Variants in ZNF787 observed in about 807,000 individuals in gnomAD.
ZNF787 encodes the protein zinc finger protein 787.
Under a neutral mutation model 16.9 loss-of-function variants are expected in ZNF787, and 7 were observed. The observed-to-expected ratio is 0.42, with a 90% CI of 0.24 to 0.78. ZNF787 has a LOEUF of 0.78. Among genes scored for constraint, ZNF787 ranks in the 30% least tolerant of loss-of-function variants. ZNF787 has a pLI of 0.30. For synonymous variants in ZNF787, 345 were observed against 270.9 expected (o/e 1.27, Z -2.69); for missense variants, 551 against 589.3 (o/e 0.94, Z 0.67).
intron 2 of ZNF787, among the ~76,000 whole-genome samples, chr19:56,091,869 G>C (rs1985588613): frequency 2.0e-5 from 3 of 152,064 alleles, no homozygotes; most frequent in African/African-American, 7.3e-5. Flanking sequence ...TCTGCACCGC[G>C]CATGGGCCAA....
intron 2 of ZNF787, among the ~76,000 whole-genome samples, chr19:56,090,315 C>T (rs73934665): frequency 0.023 from 3,460 of 152,152 alleles, 131 homozygotes; most frequent in African/African-American, 0.079. Flanking sequence ...ACTAGGGAGT[C>T]GAGTCACAGC....
intron 2 of ZNF787, among the ~76,000 whole-genome samples, chr19:56,096,050 A>G (rs1985855007): frequency 1.3e-5 from 2 of 152,086 alleles, no homozygotes; most frequent in South Asian, 4.2e-4. Flanking sequence ...GCAGGGATAC[A>G]GGAGATTCAA....
chr19:56,091,901 CAGCCGCAGCCGCAGCCGCAGCCGA>C (rs1304834192), intron 2 of ZNF787, among the ~76,000 whole-genome samples: 4 of 36,022 alleles, frequency 1.1e-4, no homozygotes, highest in African/African-American at 7.3e-4. Context: ...CCACTTGCCG[CAGCCGCAGCCGCAGCCGCAGCCGA>C]AGCCGAAGCC....
In ZNF787 at chr19:56,088,442, T is replaced by C; in HGVS notation, c.730A>G (p.Ile244Val). 1 of 1,248,794 alleles carries C rather than the reference T, an allele frequency of 8.0e-7. No homozygotes were observed. Among genetic ancestry groups the C allele is most frequent in the Non-Finnish European group, 1.0e-6 (1 of 994,548 alleles). The allele number at this position is 1,248,794 out of a possible 1,614,324, so 77.4% of individuals were successfully genotyped here. A position where few individuals can be genotyped will look rare whatever the true frequency, so the allele number is the denominator to read the frequency against. Residue 244 changes from isoleucine (I) to valine (V), a missense_variant, in exon 3 of 3, where the codon ATC becomes GTC. Transcript: ENST00000610935. This position sits in a 1 kb window ranked among gnomAD's most constrained non-coding sequence, Gnocchi z 8.6. ...AIPVGDGEGI[I>V]VVGAPGEGAA... ...CCCTCGCCCGGCGCGCCCACCACGA[T>C]GATGCCCTCGCCATCGCCCACGGGG...
At chr19:56,118,980 T>A (rs991418852) in intron 1 of ZNF787, among the ~76,000 whole-genome samples, 2 of 151,668 alleles carry the variant, frequency 1.3e-5, no homozygotes, top group African/African-American at 4.9e-5. Context: ...ACACAATACC[T>A]CCCCTGCACC....
In ZNF787 at chr19:56,089,109, TA is replaced by T. The variant is rs368270772; in HGVS notation, c.80-18del. 2,566 of 1,443,448 alleles carry T rather than the reference TA, an allele frequency of 1.8e-3. 37 individuals carry two copies. In the African/African-American group the frequency reaches 0.033, roughly 18 times the overall value. 89.4% of individuals were successfully genotyped at this position (1,443,448 alleles called of 1,614,324 possible). ...GGATGTCCACTGGAAAGCAAGAGGG[TA>T]GGGGGAGGTGAGTCAAGAGAGGCAA... On this transcript the variant is annotated intron_variant, in intron 2 of 2. Transcript: ENST00000610935.
intron 1 of ZNF787, among the ~76,000 whole-genome samples, chr19:56,111,012 C>T (rs1051488316): frequency 6.6e-6 from 1 of 152,218 alleles, no homozygotes; most frequent in Non-Finnish European, 1.5e-5. Context: ...CTCAAACTGC[C>T]CCCCAGATAC....
chr19:56,107,236 G>T (rs768836784), intron 1 of ZNF787, among the ~76,000 whole-genome samples: 4 of 152,226 alleles, frequency 2.6e-5, no homozygotes, highest in Non-Finnish European at 4.4e-5. Flanking sequence ...CGTGGGGAAG[G>T]GGAGAAGGGA....
chr19:56,108,987 G>A (rs759561330), intron 1 of ZNF787, among the ~76,000 whole-genome samples: 3 of 152,052 alleles, frequency 2.0e-5, no homozygotes, highest in South Asian at 2.1e-4. Flanking sequence ...TGGGGAAACC[G>A]GGAGGAACTC....
intron 1 of ZNF787, among the ~76,000 whole-genome samples, chr19:56,104,668 CTG>C (rs1555776939): frequency 6.6e-6 from 1 of 152,230 alleles, no homozygotes; most frequent in Admixed American, 6.5e-5. Context: ...CAACCCGTGA[CTG>C]TGAAAGTCTC....
intron 2 of ZNF787, among the ~76,000 whole-genome samples, chr19:56,091,966 G>GAAGCCA (rs1456311858): frequency 6.6e-6 from 1 of 151,740 alleles, no homozygotes; most frequent in Non-Finnish European, 1.5e-5. Context: ...AACCGAAACC[G>GAAGCCA]AAGCCAAAGC....
intron 1 of ZNF787, among the ~76,000 whole-genome samples, chr19:56,119,685 G>A (rs924167870): frequency 6.6e-6 from 1 of 152,228 alleles, no homozygotes; most frequent in African/African-American, 2.4e-5. Context: ...ACACACTCTG[G>A]CAGTGCACCA....
At chr19:56,117,196 T>A (rs931572870) in intron 1 of ZNF787, among the ~76,000 whole-genome samples, 1 of 152,210 alleles carries the variant, frequency 6.6e-6, no homozygotes, top group Non-Finnish European at 1.5e-5. Context: ...GTGGTCCTTG[T>A]TGTATAGACA....
Position 56,088,664 on chromosome 19 carries a change from G to A in ZNF787, c.508C>T (p.Arg170Cys), listed in dbSNP as rs775918343. The part of the protein sequence containing the change: ...TQSKSLAKHR[R>C]SHSGLKPFVC... Reference sequence around the variant, plus strand: ...AAGGGCTTGAGGCCGCTGTGCGAGCGCCGGTGCTTGGCCAGGCTCTTGCTC... The same window carrying A: ...AAGGGCTTGAGGCCGCTGTGCGAGCACCGGTGCTTGGCCAGGCTCTTGCTC... Residue 170 changes from arginine to cysteine, a missense_variant, in exon 3 of 3, where the codon CGC becomes TGC. Arg to Cys is a radical substitution (Grantham distance 180). Coordinates refer to ENST00000610935, the MANE Select transcript of ZNF787 (RefSeq NM_001002836.4). The surrounding 1 kb of genome is among the most constrained non-coding windows in gnomAD (Gnocchi z 8.6). 1.3e-6 allele frequency: 2 copies of A among 1,570,388 alleles called. No individual in the cohort carries two copies. The highest frequency in any genetic ancestry group is 2.3e-5 in the South Asian group (2 of 86,776).
At chr19:56,093,054 T>C (rs1306622941) in intron 2 of ZNF787, among the ~76,000 whole-genome samples, 3 of 146,624 alleles carry the variant, frequency 2.0e-5, no homozygotes, top group African/African-American at 7.7e-5. Flanking sequence ...ATGGTGGAAG[T>C]GGGCTACCCC....
At chr19:56,096,798 G>A (rs924630301) in intron 2 of ZNF787, among the ~76,000 whole-genome samples, 4 of 152,160 alleles carry the variant, frequency 2.6e-5, no homozygotes, top group African/African-American at 9.7e-5. Flanking sequence ...GTGCTCACCC[G>A]AGGGCAGCCA....
At chr19:56,108,648 G>A (rs982011293) in intron 1 of ZNF787, among the ~76,000 whole-genome samples, 7 of 152,084 alleles carry the variant, frequency 4.6e-5, no homozygotes, top group African/African-American at 1.7e-4. Flanking sequence ...CCAGGGCAGC[G>A]CCAGGCACAG....
At chr19:56,091,929 CG>C (rs1352530215) in intron 2 of ZNF787, among the ~76,000 whole-genome samples, 4 of 103,226 alleles carry the variant, frequency 3.9e-5, no homozygotes, top group African/African-American at 1.3e-4. Context: ...CAGCCGAAGC[CG>C]AAGCCGAAGC....
At chr19:56,110,927 GT>G (rs1408993771) in intron 1 of ZNF787, among the ~76,000 whole-genome samples, 3 of 152,238 alleles carry the variant, frequency 2.0e-5, no homozygotes, top group African/African-American at 7.2e-5. Flanking sequence ...TCCTGCTGTG[GT>G]TATAGCTGGG....
Sources: allele counts gnomAD v4.1 joint callset (sites outside exome capture counted in the v4.1 genomes callset), GRCh38; gene constraint gnomAD v4.1.1; non-coding constraint Gnocchi (gnomAD v3.1); transcripts MANE v1.5; gene names NCBI Gene and HGNC (gene_info 2026-07-23, HGNC 2026-07-21).